UROS: variants seen among roughly 807,000 people sequenced by gnomAD.
The protein encoded by UROS is uroporphyrinogen-III synthase.
Under a neutral mutation model 33.0 loss-of-function variants are expected in UROS, and 18 were observed. The ratio of observed to expected loss-of-function variants is 0.55; its 90% CI spans 0.38 to 0.81. The LOEUF (loss-of-function observed/expected upper bound fraction) is 0.81. UROS is among the 30% of genes least tolerant of loss of function. The pLI, the probability that UROS is intolerant of heterozygous loss-of-function variation, is 0.00. For missense variants in UROS, 293 were observed against 314.9 expected, an observed-to-expected ratio of 0.93 and a Z score of 0.53; for synonymous variants, 114 against 121.1, an observed-to-expected ratio of 0.94 and a Z score of 0.38.
intron 4 of UROS, among the ~76,000 whole-genome samples, 160 bp downstream of exon 4, chr10:125,814,874 A>G (rs1853159734): frequency 6.6e-6 from 1 of 152,202 alleles, no homozygotes; most frequent in South Asian, 2.1e-4. Flanking sequence ...AGTTTAGGAG[A>G]TAGCCCTGTT....
rs894905884 is a variant in UROS, at chr10:125,815,275, T to C, written c.148-145A>G. The stretch of plus-strand genomic sequence containing the variant: ...ACCCATCCCCCCAACACTTACTGAG[T>C]GCTTACTATGTGCCTGGAACTATTT... On this transcript the variant is annotated intron_variant, in intron 3 of 9. Coordinates refer to ENST00000368797, the MANE Select transcript of UROS (RefSeq NM_000375.3). 50 of 873,906 alleles carry C rather than the reference T, an allele frequency of 5.7e-5. No individual in the cohort carries two copies. In the Middle Eastern group the frequency reaches 9.3e-4, roughly 16 times the overall value. 54.1% of individuals were successfully genotyped at this position (873,906 alleles called of 1,614,324 possible). A position where few individuals can be genotyped will look rare whatever the true frequency, so the allele number is the denominator to read the frequency against.
Position 125,788,984 on chromosome 10 carries a change from T to A in UROS, c.682A>T (p.Thr228Ser). 6.2e-7 allele frequency: 1 copy of A among 1,612,826 alleles called. No individual in the cohort carries two copies. Among genetic ancestry groups the A allele is most frequent in the South Asian group, 1.1e-5 (1 of 90,996 alleles). The change falls in exon 10 of 10, where the codon ACG becomes TCG. Residue 228 changes from threonine to serine, a missense_variant. Transcript: ENST00000368797. The part of the protein sequence containing the change: ...QIKFAAIGPT[T>S]ARALAAQGLP... ...CCCTGGGCGGCCAGCGCGCGAGCCGTAGTGGGGCCGATGGCTGCAAACTAT... is the reference window on the plus strand; with the variant it reads ...CCCTGGGCGGCCAGCGCGCGAGCCGAAGTGGGGCCGATGGCTGCAAACTAT...
intron 4 of UROS, among the ~76,000 whole-genome samples, chr10:125,812,561 A>G (rs936025277): frequency 2.0e-5 from 3 of 152,240 alleles, no homozygotes; most frequent in Non-Finnish European, 4.4e-5. Context: ...TTTAATGGGA[A>G]CCACGAAATC....
At chr10:125,789,121 T>G (rs1850743643) in intron 9 of UROS, 116 bp from the exon 10 acceptor site, 1 of 1,447,756 alleles carries the variant, frequency 6.9e-7, no homozygotes, top group South Asian at 1.2e-5. Context: ...TTACTGCTCA[T>G]GTGACGTGTT....
At chr10:125,811,462 G>GT (rs1852801739) in intron 5 of UROS, among the ~76,000 whole-genome samples, 1 of 152,188 alleles carries the variant, frequency 6.6e-6, no homozygotes, top group Non-Finnish European at 1.5e-5. Flanking sequence ...TGAGCTTGTG[G>GT]TAAAAGTCAT....
intron 9 of UROS, chr10:125,794,349 C>A: frequency 1.0e-6 from 1 of 996,910 alleles, no homozygotes; most frequent in African/African-American, 1.7e-5. Context: ...ACATCCTGCA[C>A]CCTCTCCTCA....
rs1175452282 is a variant in UROS, at chr10:125,816,467, T to G, written c.33A>C (p.Glu11Asp). ...TATACGGATCCTGGCCACAGTCATC[T>G]TCCTTCGCATCCTTCAGTAAAAGAA... MKVLLLKDAK[E>D]DDCGQDPYIR... Residue 11 changes from glutamate to aspartate, a missense_variant, in exon 2 of 10, where the codon GAA becomes GAC. Transcript: ENST00000368797. 3.7e-6 allele frequency: 6 copies of G among 1,614,194 alleles called. No homozygotes were observed. The highest frequency in any genetic ancestry group is 5.1e-6 in the Non-Finnish European group (6 of 1,180,018).
chr10:125,794,191 A>C (rs952138927), intron 9 of UROS: 6 of 250,790 alleles, frequency 2.4e-5, no homozygotes, highest in African/African-American at 4.6e-5. Flanking sequence ...GACAGGCCAT[A>C]TGATGTCTCT....
rs121908017 is a variant in UROS at position 125,794,978 on chromosome 10, C to T, written c.562G>A (p.Gly188Arg). The change falls in exon 9 of 10, where the codon GGG (glycine) becomes AGG (arginine). Residue 188 changes from glycine (G) to arginine (R), a missense_variant and splice_region_variant. Transcript: ENST00000368797. ...AAAAATGTGATGCTGGCTGGAACCC[C>T]CTGTGGGGAACAGAAAACAAGATCA... The part of the protein sequence containing the change: ...GNLNSYYSQQ[G>R]VPASITFFSP... 1 of 1,613,500 alleles carries T rather than the reference C, an allele frequency of 6.2e-7. No homozygotes were observed. Among genetic ancestry groups the T allele is most frequent in the Non-Finnish European group, 8.5e-7 (1 of 1,179,414 alleles).
At chr10:125,822,029 G>A (rs1041835398) in intron 1 of UROS, among the ~76,000 whole-genome samples, 1 of 152,170 alleles carries the variant, frequency 6.6e-6, no homozygotes, top group South Asian at 2.1e-4. Context: ...ATGTTACCCT[G>A]CTTAAACAGA....
chr10:125,816,312 G>C (rs1564802976), intron 2 of UROS, 52 bp from the exon 3 acceptor site: 1 of 1,603,442 alleles, frequency 6.2e-7, no homozygotes, highest in Non-Finnish European at 8.5e-7. Context: ...TTTAAAATAA[G>C]GGAACATTAA....
chr10:125,798,772 C>A (rs999971280), intron 6 of UROS, among the ~76,000 whole-genome samples: 2 of 152,264 alleles, frequency 1.3e-5, no homozygotes, highest in African/African-American at 4.8e-5. Flanking sequence ...ACAACCTCTG[C>A]TCCCAGCATC....
intron 4 of UROS, among the ~76,000 whole-genome samples, chr10:125,813,273 C>T (rs1852977447): frequency 6.6e-6 from 1 of 152,156 alleles, no homozygotes; most frequent in African/African-American, 2.4e-5. Flanking sequence ...GTTTCTTCAT[C>T]AAGGTAACTG....
At chr10:125,798,191 TG>T in intron 6 of UROS, 46 bp from the exon 7 acceptor site, 1 of 1,597,638 alleles carries the variant, frequency 6.3e-7, no homozygotes, top group Non-Finnish European at 8.6e-7. Context: ...GGCCAGTGCC[TG>T]TGCACAGGGG....
intron 1 of UROS, among the ~76,000 whole-genome samples, chr10:125,822,054 G>A (rs548804787): frequency 3.0e-4 from 46 of 152,226 alleles, no homozygotes; most frequent in Admixed American, 2.7e-3. Context: ...GCCTATTAGC[G>A]CAGCTCACAC....
chr10:125,789,497 T>C, intron 9 of UROS: 2 of 428,500 alleles, frequency 4.7e-6, no homozygotes, highest in South Asian at 1.4e-4. Context: ...CCTTGGCCCG[T>C]GGCCCATCCT....
At chr10:125,791,365 G>A (rs1297904868) in intron 9 of UROS, among the ~76,000 whole-genome samples, 1 of 152,090 alleles carries the variant, frequency 6.6e-6, no homozygotes, top group Non-Finnish European at 1.5e-5. Context: ...TGGAGAAACT[G>A]GAACCCTTAC....
chr10:125,813,246 GTTAACGCACCTCGTCTGTTTC>G (rs1181523047), intron 4 of UROS, among the ~76,000 whole-genome samples: 1 of 152,180 alleles, frequency 6.6e-6, no homozygotes, highest in Non-Finnish European at 1.5e-5. Context: ...AGGTAAGTCA[GTTAACGCACCTCGTCTGTTTC>G]TTCATCAAGG....
chr10:125,800,585 G>A (rs1435293796), intron 6 of UROS, among the ~76,000 whole-genome samples: 14 of 144,330 alleles, frequency 9.7e-5, no homozygotes, highest in African/African-American at 1.5e-4. Context: ...TTTTTGTGAC[G>A]GAGTCTCACT....
Sources: gnomAD v4.1 joint callset for allele counts (sites outside exome capture counted in the v4.1 genomes callset) on GRCh38, gnomAD v4.1.1 for gene constraint, MANE v1.5 for transcripts, NCBI Gene and HGNC (gene_info 2026-07-23, HGNC 2026-07-21) for gene names.